The following B3GALT1 variants were observed in gnomAD, a reference collection of about 807,000 sequenced individuals.
B3GALT1 encodes the protein beta-1,3-galactosyltransferase 1, also known as UDP-Gal:betaGlcNAc beta 1,3-galactosyltransferase, polypeptide 1.
B3GALT1 carries 10 observed loss-of-function variants against 23.2 expected under a neutral mutation model. The ratio of observed to expected loss-of-function variants is 0.43; its 90% CI spans 0.27 to 0.73. The LOEUF (loss-of-function observed/expected upper bound fraction) is 0.73, where lower values mean the gene tolerates loss of function less well. B3GALT1 is among the 30% of genes least tolerant of loss of function. The pLI, the probability that B3GALT1 is intolerant of heterozygous loss-of-function variation, is 0.21. For synonymous variants in B3GALT1, 156 were observed against 141.5 expected, an observed-to-expected ratio of 1.10 and a Z score of -0.73; for missense variants, 299 against 405.4, an observed-to-expected ratio of 0.74 and a Z score of 2.25.
intron 2 of B3GALT1, among the ~76,000 whole-genome samples, chr2:167,537,632 C>A (rs1044293815): frequency 2.0e-5 from 3 of 151,982 alleles, no homozygotes; most frequent in Admixed American, 1.3e-4. Flanking sequence ...CAAGCCCCTT[C>A]CCTGATACCA....
rs79944551 is a variant in B3GALT1, at chr2:167,567,459, A to G, written c.-410+77182A>G. ...TCATTCTCAAAGTTTTGTATTTTAA[A>G]TAAAGTGAAATGATAGTGACAGTGA... is the stretch of plus-strand genomic sequence containing the variant. On this transcript the variant is annotated intron_variant, in intron 2 of 4. Transcript: ENST00000392690. Among the ~76,000 whole-genome samples, 314 of 152,320 alleles carry G rather than the reference A, an allele frequency of 2.1e-3. 16 individuals are homozygous for G. In the East Asian group the frequency reaches 0.056, roughly 27 times the overall value.
chr2:167,697,483 T>G (rs1328360307), intron 3 of B3GALT1, among the ~76,000 whole-genome samples: 1 of 152,170 alleles, frequency 6.6e-6, no homozygotes, highest in African/African-American at 2.4e-5. Context: ...ATATGCTCAG[T>G]CTCCTACACT....
chr2:167,604,555 C>T (rs944360043), intron 2 of B3GALT1, among the ~76,000 whole-genome samples: 1 of 152,152 alleles, frequency 6.6e-6, no homozygotes, highest in Non-Finnish European at 1.5e-5. Context: ...TCTAGTACCA[C>T]ACTGGGTGTA....
chr2:167,800,826 C>T (rs973282699), intron 3 of B3GALT1, among the ~76,000 whole-genome samples: 2 of 152,154 alleles, frequency 1.3e-5, no homozygotes, highest in African/African-American at 4.8e-5. Flanking sequence ...CCATAAAGAG[C>T]GTAGATGGAC....
intron 3 of B3GALT1, among the ~76,000 whole-genome samples, chr2:167,664,282 C>T (rs543492266): frequency 3.3e-5 from 5 of 151,312 alleles, no homozygotes; most frequent in Middle Eastern, 3.4e-3. Flanking sequence ...AGATGTGTGG[C>T]GTTATTTCTG....
chr2:167,328,735 TG>T (rs1230977049), intron 1 of B3GALT1, among the ~76,000 whole-genome samples: 1 of 152,148 alleles, frequency 6.6e-6, no homozygotes, highest in Non-Finnish European at 1.5e-5. Context: ...TATTTCCTTC[TG>T]CTTATTTTAG....
At chr2:167,446,025 T>C (rs1454886765) in intron 1 of B3GALT1, among the ~76,000 whole-genome samples, 1 of 152,222 alleles carries the variant, frequency 6.6e-6, no homozygotes, top group Non-Finnish European at 1.5e-5. Context: ...CCATGTTTAG[T>C]GCTTCCTTCA....
chr2:167,765,926 A>G (rs931868993), intron 3 of B3GALT1, among the ~76,000 whole-genome samples: 5 of 152,220 alleles, frequency 3.3e-5, no homozygotes, highest in African/African-American at 1.2e-4. Context: ...GTTGCCATCT[A>G]TTAATACACT....
Position 167,321,895 on chromosome 2 carries a change from A to G in B3GALT1, c.-511+28561A>G, listed in dbSNP as rs1696817366. ...AGACAATTTGTAAGCTTTTTAATAA[A>G]GAGAATACCAATATTGAGCAAGTAA... On this transcript the variant is annotated intron_variant, in intron 1 of 4. Coordinates refer to ENST00000392690, the MANE Select transcript of B3GALT1 (RefSeq NM_020981.4). Among the ~76,000 whole-genome samples the G allele has an allele frequency of 2.0e-5, 3 of 152,074 alleles. No individual in the cohort carries two copies. In the South Asian group the frequency reaches 6.2e-4, roughly 31 times the overall value.
chr2:167,556,453 T>G (rs1423011185), intron 2 of B3GALT1, among the ~76,000 whole-genome samples: 1 of 152,076 alleles, frequency 6.6e-6, no homozygotes, highest in Admixed American at 6.5e-5. Context: ...CAAGCTAAAG[T>G]ATTAAAAATG....
intron 1 of B3GALT1, among the ~76,000 whole-genome samples, chr2:167,340,143 G>C (rs1007484409): frequency 7.9e-5 from 12 of 152,098 alleles, no homozygotes; most frequent in African/African-American, 2.9e-4. Flanking sequence ...GCAAGGGAAG[G>C]TACATGAGAT....
chr2:167,504,866 A>G (rs1213656731), intron 2 of B3GALT1, among the ~76,000 whole-genome samples: 1 of 152,208 alleles, frequency 6.6e-6, no homozygotes, highest in African/African-American at 2.4e-5. Flanking sequence ...AGGCTATTCT[A>G]TCTAGGTCTA....
intron 1 of B3GALT1, among the ~76,000 whole-genome samples, chr2:167,340,204 C>A (rs1410903509): frequency 6.6e-6 from 1 of 151,008 alleles, no homozygotes; most frequent in African/African-American, 2.4e-5. Context: ...TGACCTTGAT[C>A]ATCTCCTCAA....
intron 2 of B3GALT1, among the ~76,000 whole-genome samples, chr2:167,509,958 G>GAGATGAGAAT (rs1448617319): frequency 6.6e-6 from 1 of 152,198 alleles, no homozygotes; most frequent in African/African-American, 2.4e-5. Context: ...GTGCCAGAGA[G>GAGATGAGAAT]AGATGAGAAT....
intron 2 of B3GALT1, among the ~76,000 whole-genome samples, chr2:167,498,771 T>C (rs1035801916): frequency 6.6e-6 from 1 of 152,148 alleles, no homozygotes; most frequent in Admixed American, 6.6e-5. Context: ...GTCAATTCTT[T>C]GCCCCCATTC....
At chr2:167,738,010 T>C (rs1423229886) in intron 3 of B3GALT1, among the ~76,000 whole-genome samples, 1 of 152,168 alleles carries the variant, frequency 6.6e-6, no homozygotes, top group Non-Finnish European at 1.5e-5. Flanking sequence ...CCCAAGACTA[T>C]CTGCTGAAGT....
chr2:167,585,666 T>C (rs1376882600), intron 2 of B3GALT1, among the ~76,000 whole-genome samples: 1 of 152,172 alleles, frequency 6.6e-6, no homozygotes, highest in Non-Finnish European at 1.5e-5. Context: ...GATCTAATAA[T>C]TCTACTTCTA....
intron 3 of B3GALT1, among the ~76,000 whole-genome samples, chr2:167,774,497 G>GTTTTTTT (rs397986581): frequency 4.8e-5 from 4 of 82,990 alleles, no homozygotes; most frequent in Non-Finnish European, 6.7e-5. Context: ...TTTTTTTTTT[G>GTTTTTTT]TTTTTTTTTT....
chr2:167,378,760 T>C (rs578195404), intron 1 of B3GALT1, among the ~76,000 whole-genome samples: 27 of 152,306 alleles, frequency 1.8e-4, no homozygotes, highest in Admixed American at 5.2e-4. Context: ...TTCAACCTTG[T>C]CTTGGATGTC....
Sources: gnomAD v4.1 joint callset for allele counts (sites outside exome capture counted in the v4.1 genomes callset) on GRCh38, gnomAD v4.1.1 for gene constraint, MANE v1.5 for transcripts, NCBI Gene and HGNC (gene_info 2026-07-23, HGNC 2026-07-21) for gene names.